KAZN: variants seen among roughly 807,000 people sequenced by gnomAD.
The protein encoded by KAZN is kazrin.
A neutral mutation model predicts 87.4 loss-of-function variants in KAZN; 40 were observed. The ratio of observed to expected loss-of-function variants is 0.46; its 90% CI spans 0.36 to 0.60. KAZN has a LOEUF of 0.60. Ranked by LOEUF, KAZN falls within the 20% of genes least tolerant of loss-of-function variation. KAZN has a pLI of 0.00. For missense variants in KAZN, 898 were observed against 1,073.9 expected, an observed-to-expected ratio of 0.84 and a Z score of 2.29; for synonymous variants, 466 against 458.3, an observed-to-expected ratio of 1.02 and a Z score of -0.22.
intron 2 of KAZN, among the ~76,000 whole-genome samples, chr1:14,521,424 A>G (rs1671581956): frequency 6.7e-6 from 1 of 149,290 alleles, no homozygotes; most frequent in Non-Finnish European, 1.5e-5. Context: ...TCTGATAAAA[A>G]CAGAAAAAGG....
chr1:14,322,283 G>GTAAC (rs1553157882), intron 2 of KAZN, among the ~76,000 whole-genome samples: 3,505 of 152,106 alleles, frequency 0.023, 144 homozygotes, highest in African/African-American at 0.08. Flanking sequence ...AATAAAGTAA[G>GTAAC]TAAATAAAAC....
intron 2 of KAZN, among the ~76,000 whole-genome samples, chr1:15,005,655 G>T (rs1014875754): frequency 2.6e-5 from 4 of 152,060 alleles, no homozygotes; most frequent in Admixed American, 2.0e-4. Context: ...AGACATAGTG[G>T]CACACGCTTA....
chr1:14,419,203 C>T (rs766649616), intron 2 of KAZN, among the ~76,000 whole-genome samples: 12 of 152,206 alleles, frequency 7.9e-5, no homozygotes, highest in Non-Finnish European at 1.6e-4. Context: ...TGCAGTGACG[C>T]TGTGAGGACA....
chr1:14,880,101 G>A (rs773185886), intron 1 of KAZN, among the ~76,000 whole-genome samples: 9 of 152,224 alleles, frequency 5.9e-5, no homozygotes, highest in South Asian at 2.1e-4. Flanking sequence ...AGGTTCTGTC[G>A]TATGCATGAA....
chr1:13,945,239 C>T lies in KAZN; in HGVS notation c.91+51483C>T, dbSNP rs377270518. Among the ~76,000 whole-genome samples, 3 of 152,006 alleles carry T rather than the reference C, an allele frequency of 2.0e-5. No individual in the cohort carries two copies. In the East Asian group the frequency reaches 5.8e-4, roughly 29 times the overall value. ...CTATAATACCAGCACTTTGGGAGGTCGAGGCAGATGGATCACCTGAGGTAA... is the reference window on the plus strand; with the variant it reads ...CTATAATACCAGCACTTTGGGAGGTTGAGGCAGATGGATCACCTGAGGTAA... On this transcript the variant is annotated intron_variant, in intron 1 of 16. Transcript: ENST00000636203.
At chr1:14,359,806 C>G (rs1244147804) in intron 2 of KAZN, among the ~76,000 whole-genome samples, 2 of 152,232 alleles carry the variant, frequency 1.3e-5, no homozygotes, top group Non-Finnish European at 2.9e-5. Context: ...GAGAGATCCA[C>G]TGTTAGTCTG....
intron 2 of KAZN, among the ~76,000 whole-genome samples, chr1:14,511,065 C>G (rs370803518): frequency 2.0e-5 from 3 of 151,722 alleles, no homozygotes; most frequent in African/African-American, 7.3e-5. Flanking sequence ...TACAAGTTGA[C>G]CACTTACATT....
rs190098003 is a variant in KAZN, at chr1:14,300,534, C to T, written c.249+119942C>T. On this transcript the variant is annotated intron_variant, in intron 2 of 16. Coordinates refer to the KAZN transcript ENST00000636203. ...TACAGGCATGAGCCACTGTGCTCAG[C>T]CGGATTTTAGGCAGTAGAGCAACAT... Among the ~76,000 whole-genome samples, 11 of 152,290 alleles carry T rather than the reference C, an allele frequency of 7.2e-5. No homozygotes were observed. In the East Asian group the frequency reaches 1.9e-3, roughly 27 times the overall value.
chr1:14,972,285 C>G (rs886463185), intron 2 of KAZN, among the ~76,000 whole-genome samples: 3 of 152,216 alleles, frequency 2.0e-5, no homozygotes, highest in Non-Finnish European at 2.9e-5. Context: ...GCCACGCTGG[C>G]CTCCATCCCA....
intron 2 of KAZN, among the ~76,000 whole-genome samples, chr1:14,223,714 A>G (rs115127182): frequency 0.012 from 1,887 of 152,334 alleles, 36 homozygotes; most frequent in African/African-American, 0.043. Context: ...AGATGATACA[A>G]GACTCTCGAC....
intron 8 of KAZN, among the ~76,000 whole-genome samples, chr1:15,071,773 T>C (rs531467987): frequency 5.8e-4 from 88 of 152,324 alleles, no homozygotes; most frequent in African/African-American, 2.0e-3. Context: ...GCACGTGCCT[T>C]GCAAGGCCTT....
chr1:14,169,785 G>A (rs977964826), intron 1 of KAZN, among the ~76,000 whole-genome samples: 2 of 152,122 alleles, frequency 1.3e-5, no homozygotes, highest in Non-Finnish European at 2.9e-5. Flanking sequence ...TATTACTTAG[G>A]TTAATACTCA....
At chr1:14,002,790 G>T (rs1044439216) in intron 1 of KAZN, among the ~76,000 whole-genome samples, 1 of 152,198 alleles carries the variant, frequency 6.6e-6, no homozygotes, top group African/African-American at 2.4e-5. Context: ...GTGGAAGACA[G>T]TATGGCAGTT....
intron 2 of KAZN, among the ~76,000 whole-genome samples, chr1:14,581,355 C>A (rs1675534441): frequency 6.6e-6 from 1 of 152,164 alleles, no homozygotes; most frequent in Non-Finnish European, 1.5e-5. Flanking sequence ...AGCCTGTCAG[C>A]AAAACCTGTG....
At chr1:14,095,619 T>C (rs376533335) in intron 1 of KAZN, among the ~76,000 whole-genome samples, 2 of 152,138 alleles carry the variant, frequency 1.3e-5, no homozygotes, top group African/African-American at 4.8e-5. Context: ...TTCACATACA[T>C]GTCTGTTCCC....
chr1:14,653,141 G>T (rs560908427), intron 1 of KAZN, among the ~76,000 whole-genome samples: 1 of 152,364 alleles, frequency 6.6e-6, no homozygotes, highest in Non-Finnish European at 1.5e-5. Flanking sequence ...TTCTCCTTTG[G>T]AGGGTGGTTC....
At chr1:15,034,422 C>A (rs1301897313) in intron 2 of KAZN, among the ~76,000 whole-genome samples, 2 of 152,184 alleles carry the variant, frequency 1.3e-5, no homozygotes, top group Admixed American at 6.5e-5. Context: ...GAGCCATGGG[C>A]CCCTGGAGCC....
chr1:14,079,426 C>T (rs1354076931), intron 1 of KAZN, among the ~76,000 whole-genome samples: 2 of 152,228 alleles, frequency 1.3e-5, no homozygotes, highest in Admixed American at 6.5e-5. Flanking sequence ...TCTGAATCAT[C>T]AGAATCGTCT....
intron 2 of KAZN, among the ~76,000 whole-genome samples, chr1:14,268,092 C>T: frequency 6.6e-6 from 1 of 152,222 alleles, no homozygotes; most frequent in East Asian, 1.9e-4. Flanking sequence ...GTACTGCAAA[C>T]CTTTCAGGTA....
Sources: allele counts gnomAD v4.1 joint callset (sites outside exome capture counted in the v4.1 genomes callset), GRCh38; gene constraint gnomAD v4.1.1; transcripts MANE v1.5; gene names NCBI Gene and HGNC (gene_info 2026-07-23, HGNC 2026-07-21).